C14orf39: variants seen among roughly 807,000 people sequenced by gnomAD.
C14orf39 encodes the protein protein SIX6OS1.
C14orf39 carries 66 observed loss-of-function variants against 85.6 expected under a neutral mutation model. The ratio of observed to expected loss-of-function variants is 0.77; its 90% confidence interval spans 0.63 to 0.95. The LOEUF (loss-of-function observed/expected upper bound fraction) is 0.95, where lower values mean the gene tolerates loss of function less well. Ranked by LOEUF, C14orf39 falls within the 40% of genes least tolerant of loss-of-function variation. The pLI is 0.00. For missense variants in C14orf39, 735 were observed against 663.9 expected (o/e 1.11, Z -1.18); for synonymous variants, 242 against 214.0 (o/e 1.13, Z -1.14).
chr14:60,499,745 A>C (rs575876597), intron 1 of C14orf39, among the ~76,000 whole-genome samples: 263 of 152,366 alleles, frequency 1.7e-3, no homozygotes, highest in Middle Eastern at 3.4e-3. Flanking sequence ...AAGGCAAGTG[A>C]AAAACTGTGA....
At chr14:60,474,938 C>G (rs945805104) in intron 5 of C14orf39, among the ~76,000 whole-genome samples, 12 of 152,144 alleles carry the variant, frequency 7.9e-5, no homozygotes. Flanking sequence ...GGAGGATTCC[C>G]TCTTTTTCTA....
intron 5 of C14orf39, among the ~76,000 whole-genome samples, chr14:60,475,896 G>A (rs919098470): frequency 6.6e-6 from 1 of 151,878 alleles, no homozygotes; most frequent in Non-Finnish European, 1.5e-5. Flanking sequence ...TCATTTCTTG[G>A]ATCAAGGTAT....
chr14:60,456,925 C>A lies in C14orf39; in HGVS notation c.1350G>T (p.Pro450=), dbSNP rs562941948. 7.7e-6 allele frequency: 12 copies of A among 1,558,828 alleles called. No homozygotes were observed. The highest frequency in any genetic ancestry group is 5.6e-5 in the African/African-American group (4 of 71,328). ...ATTAATTAAAATCCTACATTTCGAACGGGGGGGTTTTAGGGAATTTTATTT... is the reference window on the plus strand; with the variant it reads ...ATTAATTAAAATCCTACATTTCGAAAGGGGGGGTTTTAGGGAATTTTATTT... The part of the protein sequence containing the change: ...LEKIKFPKTP[P]FEINRNRNAV... The change falls in exon 15 of 18, where the codon CCG becomes CCT. Residue 450 remains proline, a synonymous_variant. Transcript: ENST00000321731.
chr14:60,471,350 TA>T, intron 7 of C14orf39, 66 bp downstream of exon 7: 1 of 1,193,648 alleles, frequency 8.4e-7, no homozygotes, highest in South Asian at 1.4e-5. Context: ...GGAAACACAG[TA>T]ACAATTAAAA....
intron 16 of C14orf39, among the ~76,000 whole-genome samples, chr14:60,446,772 C>T (rs187151401): frequency 4.6e-5 from 7 of 152,274 alleles, no homozygotes; most frequent in Admixed American, 3.9e-4. Flanking sequence ...ACCAATATCC[C>T]TGATGAACAT....
At chr14:60,513,834 A>G (rs181243180) in intron 1 of C14orf39, among the ~76,000 whole-genome samples, 1 of 152,270 alleles carries the variant, frequency 6.6e-6, no homozygotes, top group Admixed American at 6.5e-5. Context: ...TTGCTTGGAC[A>G]AAAAGAGAAG....
At chr14:60,452,728 T>C (rs984630811) in intron 16 of C14orf39, among the ~76,000 whole-genome samples, 1 of 152,130 alleles carries the variant, frequency 6.6e-6, no homozygotes, top group African/African-American at 2.4e-5. Context: ...TTATTTCACA[T>C]TGCATGCCTG....
chr14:60,466,869 GTGTT>G, intron 10 of C14orf39, 44 bp downstream of exon 10: 1 of 1,396,868 alleles, frequency 7.2e-7, no homozygotes, highest in Non-Finnish European at 9.4e-7. Context: ...TTTCTTCTGT[GTGTT>G]TGCAAAAAAA....
At chr14:60,512,591 T>C (rs949162483) in intron 1 of C14orf39, 1 of 152,208 alleles carries the variant, frequency 6.6e-6, no homozygotes, top group Non-Finnish European at 1.5e-5. Context: ...AAAAACCTAA[T>C]CTCCGAATTA....
At chr14:60,450,190 C>G (rs1457054557) in intron 16 of C14orf39, among the ~76,000 whole-genome samples, 3 of 152,198 alleles carry the variant, frequency 2.0e-5, no homozygotes, top group Non-Finnish European at 4.4e-5. Flanking sequence ...GGTACCAGCT[C>G]AGCCACAGTG....
intron 16 of C14orf39, among the ~76,000 whole-genome samples, chr14:60,447,901 C>T (rs1246877460): frequency 6.6e-6 from 1 of 152,152 alleles, no homozygotes; most frequent in Non-Finnish European, 1.5e-5. Flanking sequence ...ACATGTACAA[C>T]CATCTGATCT....
intron 9 of C14orf39, among the ~76,000 whole-genome samples, chr14:60,467,919 A>G (rs561865667): frequency 6.6e-6 from 1 of 151,608 alleles, no homozygotes; most frequent in South Asian, 2.1e-4. Context: ...CTGTCATATG[A>G]TAACAGGCAA....
intron 4 of C14orf39, among the ~76,000 whole-genome samples, chr14:60,482,981 C>G (rs1892712168): frequency 6.6e-6 from 1 of 151,228 alleles, no homozygotes; most frequent in African/African-American, 2.4e-5. Context: ...CAGAGGATGA[C>G]AGGGTAGGGG....
intron 1 of C14orf39, among the ~76,000 whole-genome samples, chr14:60,510,540 G>A (rs1395370243): frequency 6.6e-6 from 1 of 152,164 alleles, no homozygotes; most frequent in Non-Finnish European, 1.5e-5. Context: ...TTCGTTTCCC[G>A]GAGTGTGGAT....
intron 16 of C14orf39, among the ~76,000 whole-genome samples, chr14:60,443,860 A>G (rs1014448076): frequency 2.0e-5 from 3 of 152,184 alleles, no homozygotes; most frequent in Non-Finnish European, 2.9e-5. Flanking sequence ...CTGTTCTGCA[A>G]TATTTACTGT....
At chr14:60,466,450 TTTAA>T (rs1368575819) in intron 10 of C14orf39, among the ~76,000 whole-genome samples, 1 of 151,726 alleles carries the variant, frequency 6.6e-6, no homozygotes, top group Non-Finnish European at 1.5e-5. Context: ...GCCATTAAAT[TTTAA>T]TTAAACGCAA....
intron 4 of C14orf39, 84 bp downstream of exon 4, chr14:60,483,607 A>G: frequency 3.4e-6 from 4 of 1,183,592 alleles, no homozygotes; most frequent in Non-Finnish European, 4.7e-6. Flanking sequence ...ACAGAATACT[A>G]CTTTGAAGGA....
intron 4 of C14orf39, among the ~76,000 whole-genome samples, chr14:60,480,133 T>A (rs1463117668): frequency 6.6e-6 from 1 of 152,068 alleles, no homozygotes; most frequent in Non-Finnish European, 1.5e-5. Context: ...ATCAAAAAGA[T>A]GAATAAGGCT....
At chr14:60,463,077 C>T (rs1333723650) in intron 11 of C14orf39, among the ~76,000 whole-genome samples, 1 of 152,100 alleles carries the variant, frequency 6.6e-6, no homozygotes, top group African/African-American at 2.4e-5. Flanking sequence ...TACCAAATTA[C>T]ACTTCCACTA....
Sources: gnomAD v4.1 joint callset for allele counts (sites outside exome capture counted in the v4.1 genomes callset) on GRCh38, gnomAD v4.1.1 for gene constraint, MANE v1.5 for transcripts, NCBI Gene and HGNC (gene_info 2026-07-23, HGNC 2026-07-21) for gene names.